IGSF21: variants seen among roughly 807,000 people sequenced by gnomAD.
IGSF21 encodes the protein immunoglobin superfamily member 21, also known as immunoglobulin superfamily member 21.
A neutral mutation model predicts 46.8 loss-of-function variants in IGSF21; 28 were observed. The observed-to-expected ratio is 0.60, with a 90% confidence interval of 0.44 to 0.82. IGSF21 has a LOEUF of 0.82. Among genes scored for constraint, IGSF21 ranks in the 40% least tolerant of loss-of-function variants. IGSF21 has a pLI of 0.00. For missense variants in IGSF21, 624 were observed against 665.5 expected (o/e 0.94, Z 0.69); for synonymous variants, 284 against 273.6 (o/e 1.04, Z -0.38).
intron 4 of IGSF21, among the ~76,000 whole-genome samples, chr1:18,348,615 G>A (rs1363985123): frequency 6.6e-6 from 1 of 152,206 alleles, no homozygotes; most frequent in African/African-American, 2.4e-5. Flanking sequence ...GATTTAAGGG[G>A]CAGGCAGGAA....
intron 2 of IGSF21, among the ~76,000 whole-genome samples, chr1:18,281,945 G>A (rs547900135): frequency 2.0e-5 from 3 of 152,242 alleles, no homozygotes; most frequent in South Asian, 2.1e-4. Flanking sequence ...GGTGTGCTTC[G>A]GAGCAAAGAG....
In IGSF21 at chr1:18,230,273, G is replaced by A. The variant is rs559007889; in HGVS notation, c.183+2263G>A. Among the ~76,000 whole-genome samples, 11 of 152,168 alleles carry A rather than the reference G, an allele frequency of 7.2e-5. No individual in the cohort carries two copies. In the South Asian group the frequency reaches 8.3e-4, roughly 11 times the overall value. On this transcript the variant is annotated intron_variant, in intron 2 of 9. Coordinates refer to ENST00000251296, the MANE Select transcript of IGSF21 (RefSeq NM_032880.5). ...TGGACAGAGACTCTCCTTTTTCTTC[G>A]CCATCCTCCGGTAGGGAGACCCTCC...
chr1:18,370,551 G>A (rs1195912441), intron 6 of IGSF21, among the ~76,000 whole-genome samples: 1 of 152,130 alleles, frequency 6.6e-6, no homozygotes, highest in African/African-American at 2.4e-5. Context: ...GTTTCTTAAA[G>A]TGGTCACAAA....
At chr1:18,198,638 T>C (rs563008416) in intron 1 of IGSF21, among the ~76,000 whole-genome samples, 2 of 152,168 alleles carry the variant, frequency 1.3e-5, no homozygotes, top group East Asian at 3.9e-4. Context: ...GGGGAAAAAC[T>C]CTAAAATTAC....
At chr1:18,166,598 A>G (rs1427593060) in intron 1 of IGSF21, among the ~76,000 whole-genome samples, 3 of 152,200 alleles carry the variant, frequency 2.0e-5, no homozygotes, top group African/African-American at 7.2e-5. Flanking sequence ...AGGGTTCAGT[A>G]TGCTGCAACC....
At chr1:18,139,543 G>A (rs1017330279) in intron 1 of IGSF21, among the ~76,000 whole-genome samples, 33 of 152,190 alleles carry the variant, frequency 2.2e-4, no homozygotes, top group African/African-American at 7.5e-4. Context: ...ACCCTCTGCA[G>A]TGCTGTCGTC....
chr1:18,183,472 C>T (rs1173077660), intron 1 of IGSF21, among the ~76,000 whole-genome samples: 1 of 152,206 alleles, frequency 6.6e-6, no homozygotes, highest in African/African-American at 2.4e-5. Flanking sequence ...TAACCTTGTG[C>T]ATCTGGTACC....
intron 2 of IGSF21, among the ~76,000 whole-genome samples, chr1:18,246,057 T>A (rs2084780280): frequency 6.6e-6 from 1 of 152,170 alleles, no homozygotes; most frequent in African/African-American, 2.4e-5. Flanking sequence ...TCTCTGACCT[T>A]CTTTTTGTTC....
intron 2 of IGSF21, among the ~76,000 whole-genome samples, chr1:18,272,708 T>A (rs1463677211): frequency 6.6e-6 from 1 of 152,238 alleles, no homozygotes. Context: ...GCCAGGGACC[T>A]GGCTGCCCTG....
chr1:18,338,354 A>C (rs2124609323), intron 4 of IGSF21, among the ~76,000 whole-genome samples: 1 of 152,314 alleles, frequency 6.6e-6, no homozygotes, highest in Admixed American at 6.5e-5. Context: ...GCATTCACAC[A>C]CAAAGACCCT....
In IGSF21 at chr1:18,284,317, G is replaced by T. The variant is rs116816747; in HGVS notation, c.184-7549G>T. 8.8e-3 allele frequency among the ~76,000 whole-genome samples: 1,339 copies of T among 152,298 alleles called. 17 individuals carry two copies. The highest frequency in any genetic ancestry group is 0.029 in the African/African-American group (1,224 of 41,554). On this transcript the variant is annotated intron_variant, in intron 2 of 9. Transcript: ENST00000251296. ...CGTTCCTTCCTTCACTGACTCATTG[G>T]TTCATTCCACAAATGCACATTGAGC... is the stretch of plus-strand genomic sequence containing the variant.
chr1:18,209,966 C>T (rs1217267137), intron 1 of IGSF21, among the ~76,000 whole-genome samples: 1 of 152,068 alleles, frequency 6.6e-6, no homozygotes, highest in Non-Finnish European at 1.5e-5. Flanking sequence ...CCCACCCCGG[C>T]CCACTTGCTC....
At chr1:18,214,872 G>T (rs1446745716) in intron 1 of IGSF21, among the ~76,000 whole-genome samples, 1 of 152,180 alleles carries the variant, frequency 6.6e-6, no homozygotes, top group African/African-American at 2.4e-5. Context: ...CTCCCAAGTA[G>T]CTGGGACTAC....
intron 1 of IGSF21, among the ~76,000 whole-genome samples, chr1:18,128,151 G>A (rs1482461301): frequency 6.6e-6 from 1 of 152,176 alleles, no homozygotes; most frequent in African/African-American, 2.4e-5. Context: ...CTGGGAGGTG[G>A]TTCTGAACAG....
At chr1:18,307,101 T>C (rs745801729) in intron 3 of IGSF21, among the ~76,000 whole-genome samples, 1 of 152,186 alleles carries the variant, frequency 6.6e-6, no homozygotes, top group Non-Finnish European at 1.5e-5. Context: ...AGTTAATTGA[T>C]TACATATTTC....
At chr1:18,158,223 G>A (rs1179884716) in intron 1 of IGSF21, among the ~76,000 whole-genome samples, 1 of 152,066 alleles carries the variant, frequency 6.6e-6, no homozygotes, top group Admixed American at 6.5e-5. Flanking sequence ...CACCCCTGAT[G>A]GTGTTCACAT....
chr1:18,326,083 T>C (rs1440628672), intron 3 of IGSF21, among the ~76,000 whole-genome samples: 1 of 150,636 alleles, frequency 6.6e-6, no homozygotes, highest in African/African-American at 2.4e-5. Context: ...CTTTTCCATG[T>C]GTCTTATTAG....
At chr1:18,315,434 G>A (rs1439554578) in intron 3 of IGSF21, among the ~76,000 whole-genome samples, 1 of 152,172 alleles carries the variant, frequency 6.6e-6, no homozygotes, top group Non-Finnish European at 1.5e-5. Context: ...AGGTCCATCA[G>A]GGCAGGAATC....
At position 18,337,605 on chromosome 1, in the gene IGSF21, G is replaced by C. The variant is rs916595577; in HGVS notation, c.424+2595G>C. ...ACCGTGGCAACCTGGAAGCCAGGGT[G>C]TGTCTCTGGGAGTGGCAGAGACAGG... On this transcript the variant is annotated intron_variant, in intron 4 of 9. Coordinates refer to ENST00000251296, the MANE Select transcript of IGSF21 (RefSeq NM_032880.5). The surrounding 1 kb of genome is among the most constrained non-coding windows in gnomAD (Gnocchi z 5.7). Among the ~76,000 whole-genome samples, 8 of 151,492 alleles carry C rather than the reference G, an allele frequency of 5.3e-5. No individual in the cohort carries two copies. Among genetic ancestry groups the C allele is most frequent in the Admixed American group, 2.6e-4 (4 of 15,218 alleles).
Sources: gnomAD v4.1 joint callset for allele counts (sites outside exome capture counted in the v4.1 genomes callset) on GRCh38, gnomAD v4.1.1 for gene constraint, Gnocchi (gnomAD v3.1) non-coding constraint, MANE v1.5 for transcripts, NCBI Gene and HGNC (gene_info 2026-07-23, HGNC 2026-07-21) for gene names.